Variants in DZANK1 observed in about 807,000 individuals in gnomAD.
DZANK1 encodes double zinc ribbon and ankyrin repeat domains 1, also known as double zinc ribbon and ankyrin repeat-containing protein 1.
Under a neutral mutation model 94.5 loss-of-function variants are expected in DZANK1, and 91 were observed. The ratio of observed to expected loss-of-function variants is 0.96; its 90% CI spans 0.81 to 1.15. DZANK1 has a LOEUF of 1.15. Ranked by LOEUF, DZANK1 falls within the 50% of genes most tolerant of loss-of-function variation. DZANK1 has a pLI of 0.00. For missense variants in DZANK1, 903 were observed against 916.4 expected (o/e 0.99, Z 0.19); for synonymous variants, 312 against 325.3 (o/e 0.96, Z 0.44).
intron 10 of DZANK1, among the ~76,000 whole-genome samples, chr20:18,417,363 T>A (rs2057543018): frequency 6.6e-6 from 1 of 152,256 alleles, no homozygotes; most frequent in Admixed American, 6.5e-5. Context: ...GGAAAGGATG[T>A]CTGAGAAAAT....
chr20:18,455,891 C>G (rs149256078), intron 3 of DZANK1, among the ~76,000 whole-genome samples: 1 of 152,262 alleles, frequency 6.6e-6, no homozygotes, highest in Non-Finnish European at 1.5e-5. Context: ...TACCTGACTA[C>G]CCCAATCCCC....
chr20:18,412,665 T>C, exon 13 of DZANK1: 1 of 1,612,922 alleles, frequency 6.2e-7, no homozygotes, highest in Non-Finnish European at 8.5e-7. Context: ...GGCTGATGGC[T>C]GTCAGGAGGG....
chr20:18,433,402 C>T (rs1036585046), intron 9 of DZANK1: 63 of 407,040 alleles, frequency 1.5e-4, no homozygotes, highest in African/African-American at 1.1e-3. Flanking sequence ...ATTAGCCATG[C>T]GTGGTGGTGC....
chr20:18,432,693 ATTTCCC>A (rs1378083027), intron 9 of DZANK1: 1 of 152,222 alleles, frequency 6.6e-6, no homozygotes, highest in Non-Finnish European at 1.5e-5. Flanking sequence ...AATGCCATGC[ATTTCCC>A]TTATTGCTAA....
intron 5 of DZANK1, among the ~76,000 whole-genome samples, chr20:18,453,078 C>A (rs1175654912): frequency 6.6e-6 from 1 of 152,216 alleles, no homozygotes; most frequent in South Asian, 2.1e-4. Context: ...TTAGCAGCCC[C>A]CTCTTTGCAT....
rs1422435512 is a variant in DZANK1, at chr20:18,394,238, G to A, written c.1708+16C>T. 6.2e-7 allele frequency: 1 copy of A among 1,609,316 alleles called. No homozygotes were observed. Among genetic ancestry groups the A allele is most frequent in the African/African-American group, 1.3e-5 (1 of 74,844 alleles). On this transcript the variant is annotated intron_variant, in intron 16 of 20. Coordinates refer to ENST00000262547, the Ensembl canonical transcript of DZANK1. ...CTGGTCAGTTGTTTTAAAATTGCCA[G>A]AAGGGAATAACTCACCCCAGCTGGA...
At chr20:18,429,478 T>C (rs1476333737) in intron 9 of DZANK1, among the ~76,000 whole-genome samples, 1 of 152,160 alleles carries the variant, frequency 6.6e-6, no homozygotes. Context: ...TGAGTGGAAA[T>C]TACAGAAGAT....
intron 10 of DZANK1, among the ~76,000 whole-genome samples, chr20:18,421,677 A>G (rs2057784028): frequency 1.3e-5 from 2 of 152,188 alleles, no homozygotes; most frequent in South Asian, 4.1e-4. Flanking sequence ...AGTACTTTTC[A>G]TGCTGTCAGG....
intron 18 of DZANK1, 71 bp from the exon 19 acceptor site, chr20:18,389,899 G>T (rs1425082453): frequency 8.8e-6 from 14 of 1,592,774 alleles, no homozygotes; most frequent in Non-Finnish European, 1.1e-5. Flanking sequence ...GCCATCCTAT[G>T]AAGTATAACA....
intron 13 of DZANK1, among the ~76,000 whole-genome samples, chr20:18,399,463 C>G (rs1396237660): frequency 6.6e-6 from 1 of 152,072 alleles, no homozygotes; most frequent in East Asian, 1.9e-4. Context: ...CTCCTGGGCT[C>G]AAGTGATCTG....
chr20:18,452,074 T>G, intron 6 of DZANK1: 1 of 152,852 alleles, frequency 6.5e-6, no homozygotes, highest in Admixed American at 1.0e-4. Flanking sequence ...AGGGGTGGTT[T>G]TTTTTTTTTT....
At chr20:18,459,069 TAGTC>T (rs1030817099) in intron 3 of DZANK1, among the ~76,000 whole-genome samples, 1 of 152,312 alleles carries the variant, frequency 6.6e-6, no homozygotes, top group African/African-American at 2.4e-5. Flanking sequence ...TCAAACTGCA[TAGTC>T]AGTCATTAAA....
intron 8 of DZANK1, among the ~76,000 whole-genome samples, chr20:18,434,414 G>A (rs1319701388): frequency 4.0e-5 from 6 of 151,466 alleles, no homozygotes; most frequent in African/African-American, 9.7e-5. Context: ...GCGTAGTGGC[G>A]GGCGCCTATA....
chr20:18,445,545 T>A (rs1264398727), intron 7 of DZANK1, among the ~76,000 whole-genome samples: 16 of 152,220 alleles, frequency 1.1e-4, no homozygotes, highest in Non-Finnish European at 2.2e-4. Flanking sequence ...TCTTTTAAAG[T>A]GTACATAGAA....
chr20:18,426,954 A>C (rs1013088839), intron 10 of DZANK1, 113 bp downstream of exon 10: 2 of 576,676 alleles, frequency 3.5e-6, no homozygotes, highest in Non-Finnish European at 5.5e-6. Flanking sequence ...TTACCATGAG[A>C]AGCTTTTTTT....
chr20:18,462,831 C>G, intron 2 of DZANK1, among the ~76,000 whole-genome samples: 1 of 151,180 alleles, frequency 6.6e-6, no homozygotes, highest in Non-Finnish European at 1.5e-5. Context: ...CCAGCTACTC[C>G]GAAGACTGAG....
At position 18,389,832 on chromosome 20, in the gene DZANK1, C is replaced by T; in HGVS notation, c.1891-4G>A. 6.2e-7 allele frequency: 1 copy of T among 1,613,720 alleles called. No individual in the cohort carries two copies. Among genetic ancestry groups the T allele is most frequent in the Non-Finnish European group, 8.5e-7 (1 of 1,179,728 alleles). ...CACAGCAGTTGGGGTCTGCTCCCTGCAGCAAACGGAAAAGGACAAACTCTC... is the reference window on the plus strand; with the variant it reads ...CACAGCAGTTGGGGTCTGCTCCCTGTAGCAAACGGAAAAGGACAAACTCTC... On this transcript the variant is annotated splice_polypyrimidine_tract_variant and splice_region_variant and intron_variant, in intron 18 of 20. Coordinates refer to ENST00000262547, the Ensembl canonical transcript of DZANK1.
chr20:18,419,301 T>C (rs2057652631), intron 10 of DZANK1, among the ~76,000 whole-genome samples: 3 of 151,448 alleles, frequency 2.0e-5, no homozygotes, highest in Admixed American at 2.0e-4. Flanking sequence ...CAGGGACTTA[T>C]TAGATAATAT....
exon 7 of DZANK1, chr20:18,449,022 C>G: frequency 6.2e-7 from 1 of 1,613,850 alleles, no homozygotes; most frequent in Non-Finnish European, 8.5e-7. Flanking sequence ...TCATTATCTC[C>G]GTGCTTGTCA....
Sources: gnomAD v4.1 joint callset for allele counts (sites outside exome capture counted in the v4.1 genomes callset) on GRCh38, gnomAD v4.1.1 for gene constraint, MANE v1.5 for transcripts, NCBI Gene and HGNC (gene_info 2026-07-23, HGNC 2026-07-21) for gene names.